Variants in P4HA2 observed in about 807,000 individuals in gnomAD.
P4HA2 encodes prolyl 4-hydroxylase subunit alpha 2.
Under a neutral mutation model 76.9 loss-of-function variants are expected in P4HA2, and 46 were observed. The ratio of observed to expected loss-of-function variants is 0.60; its 90% confidence interval spans 0.47 to 0.76. The LOEUF is 0.76. P4HA2 is among the 30% of genes least tolerant of loss of function. P4HA2 has a pLI of 0.00. For synonymous variants in P4HA2, 243 were observed against 254.0 expected (o/e 0.96, Z 0.41); for missense variants, 583 against 669.4 (o/e 0.87, Z 1.42).
intron 5 of P4HA2, among the ~76,000 whole-genome samples, chr5:132,210,760 C>A (rs2126593077): frequency 6.6e-6 from 1 of 152,256 alleles, no homozygotes. Flanking sequence ...CCCCATCTCC[C>A]AAGTGGGAAG....
chr5:132,198,307 G>A lies in P4HA2; in HGVS notation c.1365+14C>T, dbSNP rs1378936447. 6.2e-7 allele frequency: 1 copy of A among 1,614,154 alleles called. No individual in the cohort carries two copies. On this transcript the variant is annotated intron_variant, in intron 12 of 14. Transcript: ENST00000360568. ...AAGTGAGAATGAACAGGTGGGCCTGGACCCAGTACTTACGTAGTTAAGAAA... is the reference window on the plus strand; with the variant it reads ...AAGTGAGAATGAACAGGTGGGCCTGAACCCAGTACTTACGTAGTTAAGAAA...
At chr5:132,210,033 T>A (rs761670264) in intron 6 of P4HA2, among the ~76,000 whole-genome samples, 1 of 152,096 alleles carries the variant, frequency 6.6e-6, no homozygotes, top group African/African-American at 2.4e-5. Context: ...GAGTCCTTAT[T>A]AAAAAGGCCC....
At chr5:132,200,662 C>G (rs1048623743) in intron 10 of P4HA2, 1 of 152,192 alleles carries the variant, frequency 6.6e-6, no homozygotes, top group African/African-American at 2.4e-5. Flanking sequence ...TACTGAGTTA[C>G]AGATGTAAGC....
intron 3 of P4HA2, 129 bp downstream of exon 3, chr5:132,217,623 A>C: frequency 1.4e-6 from 1 of 722,784 alleles, no homozygotes; most frequent in South Asian, 1.6e-5. Context: ...ACTGGCATGA[A>C]GTAACCAGGC....
rs186793348 is a variant in P4HA2, at chr5:132,196,655, G to C, written c.1366-1175C>G. ...GCGGGTGGATCACTTGAGGTCAGGAGCTTGAGACCAGTCTGGCCAAGATGG... is the reference window on the plus strand; with the variant it reads ...GCGGGTGGATCACTTGAGGTCAGGACCTTGAGACCAGTCTGGCCAAGATGG... On this transcript the variant is annotated intron_variant, in intron 12 of 14. Coordinates refer to ENST00000360568, the MANE Select transcript of P4HA2 (RefSeq NM_001017974.2). Among the ~76,000 whole-genome samples the C allele has an allele frequency of 5.1e-4, 77 of 152,258 alleles. 2 individuals are homozygous for C. The highest frequency in any genetic ancestry group is 4.6e-3 in the Admixed American group (71 of 15,302).
chr5:132,210,657 C>A lies in P4HA2; in HGVS notation c.470-134G>T. The A allele has an allele frequency of 8.1e-6, 7 of 865,588 alleles. No homozygotes were observed. In the Admixed American group the frequency reaches 1.3e-4, roughly 16 times the overall value. The allele number at this position is 865,588 out of a possible 1,614,324, so 53.6% of individuals were successfully genotyped here. The stretch of plus-strand genomic sequence containing the variant: ...AGAACTCCATCGGACATTTAGACTG[C>A]ATATCCTAAAGGGCCACTGACACAG... On this transcript the variant is annotated intron_variant, in intron 5 of 14. Transcript: ENST00000360568.
In P4HA2 at chr5:132,206,441, T is replaced by C. The variant is rs1191762981; in HGVS notation, c.1080+1267A>G. On this transcript the variant is annotated intron_variant, in intron 8 of 14. Transcript: ENST00000360568. ...CCAAGATGAGGTCCAGGGGCCAGGA[T>C]AGGAACCTATTTCAGGTCTCTCCAT... 3.3e-5 allele frequency among the ~76,000 whole-genome samples: 5 copies of C among 152,166 alleles called. No homozygotes were observed. The East Asian group carries it at 9.7e-4, about 29-fold the overall frequency.
At chr5:132,226,418 G>A (rs1755404515) in intron 1 of P4HA2, among the ~76,000 whole-genome samples, 1 of 152,164 alleles carries the variant, frequency 6.6e-6, no homozygotes. Flanking sequence ...TACAGCAAAA[G>A]ACAACAGTCA....
intron 4 of P4HA2, among the ~76,000 whole-genome samples, chr5:132,214,655 AG>A (rs1753599836): frequency 6.6e-6 from 1 of 152,004 alleles, no homozygotes; most frequent in Non-Finnish European, 1.5e-5. Context: ...CCCTCCCCCT[AG>A]GTTGACAGCT....
rs1561455572 is a variant in P4HA2, at chr5:132,190,684, T to TA, written c.*2325dup. Among the ~76,000 whole-genome samples, 1 of 151,590 alleles carries TA rather than the reference T, an allele frequency of 6.6e-6. No homozygotes were observed. Among genetic ancestry groups the TA allele is most frequent in the Non-Finnish European group, 1.5e-5 (1 of 67,884 alleles). On this transcript the variant is annotated 3_prime_UTR_variant, in exon 15 of 15. Transcript: ENST00000360568. ...ATAGAAGGATTTCTCAAATAAGACA[T>TA]AAAAAACATAAATCAAAAAGAAAAA...
rs1755362055 is a variant in P4HA2, at chr5:132,226,110, CA to C, written c.-19+1679del. On this transcript the variant is annotated intron_variant, in intron 1 of 14. Transcript: ENST00000360568. ...GTGAGAGGCTGCACCTTGGACACCT[CA>C]GGGGCAGTTTAAGTACAAGCCAAAG... Among the ~76,000 whole-genome samples the C allele has an allele frequency of 2.6e-5, 4 of 152,320 alleles. No homozygotes were observed. In the South Asian group the frequency reaches 8.3e-4, roughly 32 times the overall value.
At chr5:132,203,395 A>G (rs1005010934) in intron 10 of P4HA2, 38 of 237,366 alleles carry the variant, frequency 1.6e-4, no homozygotes, top group Non-Finnish European at 2.0e-4. Flanking sequence ...ACACAGAACC[A>G]TGGCCTCTGA....
intron 12 of P4HA2, chr5:132,198,021 C>G: frequency 7.1e-6 from 7 of 985,280 alleles, no homozygotes; most frequent in Non-Finnish European, 8.4e-6. Context: ...CTGCTGGTGG[C>G]AGTGGGGAAA....
At chr5:132,213,156 A>G (rs901211603) in intron 5 of P4HA2, among the ~76,000 whole-genome samples, 5 of 152,348 alleles carry the variant, frequency 3.3e-5, no homozygotes, top group Admixed American at 2.6e-4. Flanking sequence ...AGAACATCAC[A>G]AAGAATGAGG....
intron 1 of P4HA2, among the ~76,000 whole-genome samples, chr5:132,220,970 C>A (rs1754579841): frequency 6.6e-6 from 1 of 152,206 alleles, no homozygotes; most frequent in Non-Finnish European, 1.5e-5. Flanking sequence ...ACATCTCTGG[C>A]AGGGGTACTC....
intron 5 of P4HA2, among the ~76,000 whole-genome samples, chr5:132,211,368 G>C (rs1328930213): frequency 6.6e-6 from 1 of 152,206 alleles, no homozygotes; most frequent in Non-Finnish European, 1.5e-5. Flanking sequence ...TACCATGGAG[G>C]GGAAGTGGGG....
Position 132,195,000 on chromosome 5 carries a change from T to C in P4HA2, c.1457A>G (p.Asn486Ser), listed in dbSNP as rs200845342. 1.2e-5 allele frequency: 19 copies of C among 1,612,718 alleles called. No homozygotes were observed. Among genetic ancestry groups the C allele is most frequent in the Non-Finnish European group, 1.5e-5 (18 of 1,178,836 alleles). The stretch of plus-strand genomic sequence containing the variant: ...GTCACCTTCCCCGCTCCGCAAGAGG[T>C]TGTACCAGAACACAGCTGTACCCTG... ...PKKGTAVFWY[N>S]LLRSGEGDYR... The change falls in exon 14 of 15, where the codon AAC (asparagine) becomes AGC (serine). Residue 486 changes from asparagine to serine, a missense_variant. Transcript: ENST00000360568.
chr5:132,207,527 C>T (rs1752357525), intron 8 of P4HA2, among the ~76,000 whole-genome samples, 181 bp downstream of exon 8: 1 of 152,184 alleles, frequency 6.6e-6, no homozygotes, highest in Non-Finnish European at 1.5e-5. Context: ...TCTTCTTCCA[C>T]TGGACCATGA....
Position 132,194,613 on chromosome 5 carries a change from T to C in P4HA2, c.1531+313A>G, listed in dbSNP as rs540804595. On this transcript the variant is annotated intron_variant, in intron 14 of 14. Transcript: ENST00000360568. Reference sequence around the variant, plus strand: ...CTGAGACACTCTTTCCCCTCACTGCTTCCAGCTCTCCACTCTGCTCCCTCA... The same window carrying C: ...CTGAGACACTCTTTCCCCTCACTGCCTCCAGCTCTCCACTCTGCTCCCTCA... Among the ~76,000 whole-genome samples the C allele has an allele frequency of 3.3e-5, 5 of 152,324 alleles. No individual in the cohort carries two copies. In the East Asian group the frequency reaches 9.7e-4, roughly 29 times the overall value.
Sources: allele counts gnomAD v4.1 joint callset (sites outside exome capture counted in the v4.1 genomes callset), GRCh38; gene constraint gnomAD v4.1.1; transcripts MANE v1.5; gene names NCBI Gene and HGNC (gene_info 2026-07-23, HGNC 2026-07-21).